The following CEP128 variants were observed in gnomAD, a reference collection of about 807,000 sequenced individuals.
The protein encoded by CEP128 is centrosomal protein 128kDa.
In CEP128, 132 loss-of-function variants were observed where a neutral mutation model predicts 156.7. That is an observed-to-expected ratio of 0.84 (90% confidence interval 0.73 to 0.97). The LOEUF (loss-of-function observed/expected upper bound fraction) is 0.97. Among genes scored for constraint, CEP128 ranks in the 50% least tolerant of loss-of-function variants. The probability of loss-of-function intolerance (pLI) is 0.00; values close to 1 mark genes in which losing one functional copy is unlikely to be tolerated. For synonymous variants in CEP128, 469 were observed against 448.9 expected (o/e 1.04, Z -0.57); for missense variants, 1,252 against 1,281.9 (o/e 0.98, Z 0.36).
intron 20 of CEP128, among the ~76,000 whole-genome samples, chr14:80,574,900 T>C (rs1891292843): frequency 6.6e-6 from 1 of 152,020 alleles, no homozygotes; most frequent in Non-Finnish European, 1.5e-5. Context: ...ACCCTTCAAC[T>C]GGGAGATTCC....
intron 21 of CEP128, among the ~76,000 whole-genome samples, chr14:80,543,244 T>C (rs942255718): frequency 6.6e-6 from 1 of 152,240 alleles, no homozygotes; most frequent in Non-Finnish European, 1.5e-5. Flanking sequence ...TTCTGGCTCT[T>C]GTAGCAAAGT....
intron 19 of CEP128, among the ~76,000 whole-genome samples, chr14:80,666,287 C>A (rs755331003): frequency 7.9e-5 from 12 of 152,218 alleles, no homozygotes; most frequent in Non-Finnish European, 1.3e-4. Flanking sequence ...AAGTGCCTGA[C>A]TCTAGCCTAT....
chr14:80,534,697 C>T (rs1278920779), intron 21 of CEP128, among the ~76,000 whole-genome samples: 1 of 151,888 alleles, frequency 6.6e-6, no homozygotes, highest in East Asian at 1.9e-4. Context: ...CGGTGGCGGG[C>T]ACCTGTAGTC....
chr14:80,809,157 T>A (rs1243850477), intron 13 of CEP128, among the ~76,000 whole-genome samples: 5 of 152,084 alleles, frequency 3.3e-5, no homozygotes, highest in Non-Finnish European at 1.5e-5. Flanking sequence ...GAGAAACGTA[T>A]GAATGATACA....
chr14:80,911,824 T>C (rs1884235834), intron 4 of CEP128, among the ~76,000 whole-genome samples: 1 of 152,206 alleles, frequency 6.6e-6, no homozygotes, highest in Admixed American at 6.5e-5. Flanking sequence ...AATAGAATGC[T>C]TTAATCTGGA....
chr14:80,511,506 C>G (rs1169756646), intron 23 of CEP128, among the ~76,000 whole-genome samples: 1 of 151,744 alleles, frequency 6.6e-6, no homozygotes, highest in Non-Finnish European at 1.5e-5. Context: ...TTTTCTTATT[C>G]TGGGTAAAGG....
At chr14:80,783,709 G>T (rs1299320743) in intron 15 of CEP128, among the ~76,000 whole-genome samples, 1 of 151,982 alleles carries the variant, frequency 6.6e-6, no homozygotes, top group Non-Finnish European at 1.5e-5. Context: ...TTCCACATTT[G>T]ACCATCTCTG....
chr14:80,681,787 C>G (rs1346318265), intron 19 of CEP128, among the ~76,000 whole-genome samples: 1 of 152,154 alleles, frequency 6.6e-6, no homozygotes, highest in Admixed American at 6.5e-5. Flanking sequence ...ATAAAGTACA[C>G]AGTCTCAGGC....
At chr14:80,871,293 G>A (rs1261506065) in intron 8 of CEP128, among the ~76,000 whole-genome samples, 1 of 152,108 alleles carries the variant, frequency 6.6e-6, no homozygotes, top group Non-Finnish European at 1.5e-5. Context: ...AGGTATGGGA[G>A]CAGAGGGACC....
upstream of CEP128, among the ~76,000 whole-genome samples, chr14:80,943,993 CAAAA>C (rs36074282): frequency 9.9e-6 from 1 of 101,196 alleles, no homozygotes; most frequent in African/African-American, 3.7e-5. Context: ...GACTCCATCT[CAAAA>C]AAAAAAAAAA....
intron 9 of CEP128, among the ~76,000 whole-genome samples, chr14:80,859,470 C>T (rs1453465930): frequency 1.3e-5 from 2 of 150,980 alleles, no homozygotes; most frequent in Admixed American, 6.6e-5. Context: ...GTGGGTGCAG[C>T]GCAGCAGCAT....
At chr14:80,818,827 C>A in intron 13 of CEP128, among the ~76,000 whole-genome samples, 1 of 152,176 alleles carries the variant, frequency 6.6e-6, no homozygotes, top group East Asian at 1.9e-4. Flanking sequence ...GATTTTCAAC[C>A]AGAAAATATC....
chr14:80,597,395 G>C (rs973525827), intron 19 of CEP128, among the ~76,000 whole-genome samples: 5 of 152,030 alleles, frequency 3.3e-5, no homozygotes, highest in African/African-American at 4.8e-5. Flanking sequence ...AATTTAAATA[G>C]CCTTGTAACT....
chr14:80,899,273 A>G (rs905987873), intron 7 of CEP128, among the ~76,000 whole-genome samples: 23 of 152,192 alleles, frequency 1.5e-4, no homozygotes, highest in African/African-American at 5.5e-4. Flanking sequence ...ACAAATTTCA[A>G]TTCAGCTTTA....
At chr14:80,590,610 T>TA (rs1308380944) in intron 19 of CEP128, among the ~76,000 whole-genome samples, 2 of 150,276 alleles carry the variant, frequency 1.3e-5, no homozygotes, top group African/African-American at 4.9e-5. Context: ...AGAAATTCTC[T>TA]AAAAAGAAAG....
chr14:80,666,434 G>A (rs894704428), intron 19 of CEP128, among the ~76,000 whole-genome samples: 2 of 152,156 alleles, frequency 1.3e-5, no homozygotes, highest in African/African-American at 4.8e-5. Flanking sequence ...TTGATTCCCA[G>A]GAAATCAACA....
In CEP128 at chr14:80,792,879, C is replaced by A. The variant is rs1158397695; in HGVS notation, c.1441G>T (p.Asp481Tyr). 2 of 1,614,002 alleles carry A rather than the reference C, an allele frequency of 1.2e-6. No homozygotes were observed. Among genetic ancestry groups the A allele is most frequent in the Non-Finnish European group, 1.7e-6 (2 of 1,179,984 alleles). Reference sequence around the variant, plus strand: ...GATTCTTGAGCTTTCAGTTTCAGGTCTTCCCTCCTCTTCTCCGCCTCCTCT... The same window carrying A: ...GATTCTTGAGCTTTCAGTTTCAGGTATTCCCTCCTCTTCTCCGCCTCCTCT... ...LKEEAEKRREDLKLKAQESIR... is the reference protein window; with the variant it reads ...LKEEAEKRREYLKLKAQESIR... Residue 481 changes from aspartate to tyrosine, a missense_variant, in exon 14 of 25, where the codon GAC (aspartate) becomes TAC (tyrosine). Physicochemically the swap from Asp to Tyr is radical, Grantham distance 160 (BLOSUM62 -3). Coordinates refer to ENST00000555265, the MANE Select transcript of CEP128 (RefSeq NM_152446.5).
chr14:80,745,186 G>A (rs564545215), intron 18 of CEP128, among the ~76,000 whole-genome samples: 2 of 152,074 alleles, frequency 1.3e-5, no homozygotes, highest in African/African-American at 4.8e-5. Context: ...TCGTTTAAAG[G>A]TGTGTAGCAC....
At chr14:80,492,715 C>T (rs535772150), downstream of CEP128, among the ~76,000 whole-genome samples, 14 of 151,774 alleles carry the variant, frequency 9.2e-5, no homozygotes, top group Middle Eastern at 3.4e-3. Context: ...ACCAGACTCT[C>T]AATTTAAAAA....
Sources: gnomAD v4.1 joint callset for allele counts (sites outside exome capture counted in the v4.1 genomes callset) on GRCh38, gnomAD v4.1.1 for gene constraint, MANE v1.5 for transcripts, NCBI Gene and HGNC (gene_info 2026-07-23, HGNC 2026-07-21) for gene names.